TEX14: variants seen among roughly 807,000 people sequenced by gnomAD.
TEX14 encodes the protein inactive serine/threonine-protein kinase TEX14.
In TEX14, 168 loss-of-function variants were observed where a neutral mutation model predicts 178.6. The ratio of observed to expected loss-of-function variants is 0.94; its 90% CI spans 0.83 to 1.07. The LOEUF (loss-of-function observed/expected upper bound fraction) is 1.07, where lower values mean the gene tolerates loss of function less well. Ranked by LOEUF, TEX14 falls within the 50% of genes least tolerant of loss-of-function variation. TEX14 has a pLI of 0.00. For missense variants in TEX14, 1,730 were observed against 1,753.6 expected (o/e 0.99, Z 0.24); for synonymous variants, 626 against 634.1 (o/e 0.99, Z 0.19).
intron 14 of TEX14, among the ~76,000 whole-genome samples, chr17:58,596,260 G>T (rs2045278597): frequency 6.6e-6 from 1 of 152,086 alleles, no homozygotes; most frequent in South Asian, 2.1e-4. Context: ...AGAAATATTA[G>T]GATATAAGTA....
chr17:58,569,667 A>G lies in TEX14; in HGVS notation c.3818-407T>C, dbSNP rs1290782781. Among the ~76,000 whole-genome samples the G allele has an allele frequency of 6.6e-6, 1 of 152,250 alleles. No individual in the cohort carries two copies. The highest frequency in any genetic ancestry group is 2.4e-5 in the African/African-American group (1 of 41,470). ...AGGAGGCCTTTAACTAAATATTATCAGGCCAGGGGATTTAGAGGCAACCAC... is the reference window on the plus strand; with the variant it reads ...AGGAGGCCTTTAACTAAATATTATCGGGCCAGGGGATTTAGAGGCAACCAC... On this transcript the variant is annotated intron_variant, in intron 25 of 31. Coordinates refer to ENST00000349033, the MANE Select transcript of TEX14 (RefSeq NM_031272.5). The surrounding 1 kb of genome is among the most constrained non-coding windows in gnomAD (Gnocchi z 4.1).
chr17:58,581,586 C>G, intron 19 of TEX14: 2 of 1,610,930 alleles, frequency 1.2e-6, no homozygotes, highest in Non-Finnish European at 1.7e-6. Context: ...TGAAAAGGTA[C>G]TTTACCCTGA....
At chr17:58,566,409 T>C (rs1027300878) in intron 26 of TEX14, among the ~76,000 whole-genome samples, 7 of 152,208 alleles carry the variant, frequency 4.6e-5, no homozygotes, top group African/African-American at 1.7e-4. Flanking sequence ...AATCTCTATT[T>C]TATAGTCTCT....
Position 58,584,523 on chromosome 17 carries a change from C to T in TEX14, c.3148G>A (p.Val1050Met). ...EAFQASSDTL[V>M]AVEKSYSTSS... is the part of the protein sequence containing the mutation. ...ACACTGTAAGATTTCTCTACAGCCA[C>T]CAATGTGTCAGAACTTGCTTGGAAG... Residue 1050 changes from valine to methionine, a missense_variant, in exon 19 of 32, where the codon GTG (valine) becomes ATG (methionine). Around this residue, in one of 2 missense-constraint regions of TEX14, gnomAD observed 941 missense variants for 1,072.4 expected, o/e 0.88. Coordinates refer to ENST00000349033, the MANE Select transcript of TEX14 (RefSeq NM_031272.5). 1 of 1,614,064 alleles carries T rather than the reference C, an allele frequency of 6.2e-7. No homozygotes were observed. Among genetic ancestry groups the T allele is most frequent in the Non-Finnish European group, 8.5e-7 (1 of 1,179,944 alleles).
intron 27 of TEX14, among the ~76,000 whole-genome samples, chr17:58,565,379 G>A (rs1794399056): frequency 6.6e-6 from 1 of 152,208 alleles, no homozygotes; most frequent in Non-Finnish European, 1.5e-5. Context: ...TTTGGGTGGG[G>A]AAGGGATGTA....
At chr17:58,688,980 G>C (rs1567778409) in intron 1 of TEX14, among the ~76,000 whole-genome samples, 1 of 152,018 alleles carries the variant, frequency 6.6e-6, no homozygotes, top group Non-Finnish European at 1.5e-5. Context: ...ACAGAGGCTG[G>C]AGTGCAGTGG....
chr17:58,635,475 G>A (rs2046414368), intron 2 of TEX14, among the ~76,000 whole-genome samples: 1 of 143,298 alleles, frequency 7.0e-6, no homozygotes, highest in South Asian at 2.2e-4. Flanking sequence ...CGTAGCCCAT[G>A]CTGGAGTACA....
intron 1 of TEX14, among the ~76,000 whole-genome samples, chr17:58,676,784 G>A (rs549216206): frequency 6.6e-6 from 1 of 152,078 alleles, no homozygotes; most frequent in Admixed American, 6.6e-5. Flanking sequence ...CCAAGAGTTC[G>A]AGACCAGCCT....
At chr17:58,640,880 T>C (rs904021323) in intron 2 of TEX14, among the ~76,000 whole-genome samples, 1 of 151,994 alleles carries the variant, frequency 6.6e-6, no homozygotes, top group African/African-American at 2.4e-5. Flanking sequence ...CCACCAAGTC[T>C]GGATAATTTT....
chr17:58,642,773 CCT>C (rs2046604849), intron 2 of TEX14, among the ~76,000 whole-genome samples: 1 of 152,100 alleles, frequency 6.6e-6, no homozygotes, highest in African/African-American at 2.4e-5. Flanking sequence ...TTTCTGGAAA[CCT>C]CTCACCATCC....
At chr17:58,641,344 A>T (rs1274461501) in intron 2 of TEX14, among the ~76,000 whole-genome samples, 1 of 151,844 alleles carries the variant, frequency 6.6e-6, no homozygotes, top group Non-Finnish European at 1.5e-5. Context: ...TGGGAGGAGG[A>T]GGTTGCGATG....
At chr17:58,655,186 CTTTTT>C in intron 1 of TEX14, among the ~76,000 whole-genome samples, 1 of 151,208 alleles carries the variant, frequency 6.6e-6, no homozygotes, top group Middle Eastern at 3.4e-3. Context: ...CTAATTTTTT[CTTTTT>C]TTTCTTTTTG....
intron 15 of TEX14, among the ~76,000 whole-genome samples, chr17:58,590,058 G>A (rs566308808): frequency 9.9e-5 from 15 of 151,982 alleles, no homozygotes; most frequent in Non-Finnish European, 1.9e-4. Flanking sequence ...GTCAAGAGAT[G>A]GAGACCATCC....
At chr17:58,685,945 A>C (rs931299108) in intron 1 of TEX14, among the ~76,000 whole-genome samples, 17 of 146,608 alleles carry the variant, frequency 1.2e-4, no homozygotes, top group Non-Finnish European at 4.5e-5. Flanking sequence ...CAGTGAGCCG[A>C]GATCACACCA....
At chr17:58,609,455 C>T (rs2045694909) in intron 10 of TEX14, among the ~76,000 whole-genome samples, 1 of 152,272 alleles carries the variant, frequency 6.6e-6, no homozygotes, top group Admixed American at 6.5e-5. Context: ...GTTGGTCAGG[C>T]TGGTATTGAA....
At chr17:58,598,305 ACT>A (rs1410483208) in intron 14 of TEX14, among the ~76,000 whole-genome samples, 11 of 143,968 alleles carry the variant, frequency 7.6e-5, no homozygotes, top group African/African-American at 2.8e-4. Context: ...CAGGAACAAA[ACT>A]CTGTCTCCAA....
chr17:58,630,023 T>C (rs1011189203), intron 3 of TEX14, among the ~76,000 whole-genome samples: 4 of 146,310 alleles, frequency 2.7e-5, no homozygotes, highest in African/African-American at 1.0e-4. Context: ...CTGATTCTTT[T>C]AAACCACAGC....
At chr17:58,678,206 TC>T (rs2047427579) in intron 1 of TEX14, among the ~76,000 whole-genome samples, 1 of 152,086 alleles carries the variant, frequency 6.6e-6, no homozygotes, top group African/African-American at 2.4e-5. Flanking sequence ...GAAAAGCTTA[TC>T]CAGATGGGCC....
chr17:58,682,826 G>T (rs1443709954), intron 1 of TEX14, among the ~76,000 whole-genome samples: 1 of 152,140 alleles, frequency 6.6e-6, no homozygotes, highest in Non-Finnish European at 1.5e-5. Context: ...CCACTGCCTT[G>T]TAACTCTAAG....
Sources: allele counts gnomAD v4.1 joint callset (sites outside exome capture counted in the v4.1 genomes callset), GRCh38; gene constraint gnomAD v4.1.1; regional missense constraint gnomAD v4.1.1; non-coding constraint Gnocchi (gnomAD v3.1); transcripts MANE v1.5; gene names NCBI Gene and HGNC (gene_info 2026-07-23, HGNC 2026-07-21).